GTPBP1: variants seen among roughly 807,000 people sequenced by gnomAD.
GTPBP1 encodes the protein GTP-binding protein 1.
Under a neutral mutation model 62.0 loss-of-function variants are expected in GTPBP1, and 23 were observed. The ratio of observed to expected loss-of-function variants is 0.37; its 90% CI spans 0.27 to 0.53. The LOEUF is 0.53. GTPBP1 is among the 20% of genes least tolerant of loss of function. GTPBP1 has a pLI of 0.89. For synonymous variants in GTPBP1, 344 were observed against 364.4 expected, an observed-to-expected ratio of 0.94 and a Z score of 0.64; for missense variants, 640 against 917.3, an observed-to-expected ratio of 0.70 and a Z score of 3.90.
intron 5 of GTPBP1, 122 bp downstream of exon 5, chr22:38,721,987 T>C (rs2092703092): frequency 1.9e-6 from 1 of 534,930 alleles, no homozygotes; most frequent in Non-Finnish European, 3.1e-6. Context: ...TTTTTATTTT[T>C]TTATTTTACA....
At chr22:38,715,136 C>A (rs1022948059) in intron 2 of GTPBP1, among the ~76,000 whole-genome samples, 3 of 152,220 alleles carry the variant, frequency 2.0e-5, no homozygotes, top group African/African-American at 7.2e-5. Context: ...GGACTCCCCC[C>A]TTACTGGTCT....
At chr22:38,707,513 C>T (rs1387957169) in intron 1 of GTPBP1, among the ~76,000 whole-genome samples, 1 of 152,158 alleles carries the variant, frequency 6.6e-6, no homozygotes, top group Non-Finnish European at 1.5e-5. Context: ...AGAGGGATGG[C>T]CAGGACGATG....
chr22:38,705,995 G>A lies in GTPBP1; in HGVS notation c.40G>A (p.Val14Ile), dbSNP rs1030603150. 10 of 1,458,282 alleles carry A rather than the reference G, an allele frequency of 6.9e-6. No individual in the cohort carries two copies. Among genetic ancestry groups the A allele is most frequent in the East Asian group, 2.9e-5 (1 of 33,926 alleles). 90.3% of individuals were successfully genotyped at this position (1,458,282 alleles called of 1,614,324 possible). A position where few individuals can be genotyped will look rare whatever the true frequency, so the allele number is the denominator to read the frequency against. The change falls in exon 1 of 12, where the codon GTC (valine) becomes ATC (isoleucine). Residue 14 changes from valine (V) to isoleucine (I), a missense_variant. By Grantham distance (29) the Val-to-Ile change is conservative. Coordinates refer to ENST00000216044, the MANE Select transcript of GTPBP1 (RefSeq NM_004286.5). ...ERSRSAMDSP[V>I]PASMFAPEPS... ...CAGTCGCTCCGCGATGGACTCGCCG[G>A]TCCCGGCCTCTATGTTCGCCCCCGA...
In GTPBP1 at chr22:38,706,035, G is replaced by T. The variant is rs2092601973; in HGVS notation, c.80G>T (p.Gly27Val). ...SMFAPEPSSP[G>V]AARAAAAAAR... ...TTCGCCCCCGAGCCCAGCTCCCCGG[G>T]GGCGGCCAGGGCCGCGGCGGCCGCC... The change falls in exon 1 of 12, where the codon GGG (glycine) becomes GTG (valine). Residue 27 changes from glycine to valine, a missense_variant. Around this residue, in one of 4 missense-constraint regions of GTPBP1, gnomAD observed 215 missense variants for 235.1 expected, o/e 0.91. Coordinates refer to ENST00000216044, the MANE Select transcript of GTPBP1 (RefSeq NM_004286.5). 7.2e-7 allele frequency: 1 copy of T among 1,385,384 alleles called. No homozygotes were observed. The highest frequency in any genetic ancestry group is 1.5e-5 in the South Asian group (1 of 66,838). 85.8% of individuals were successfully genotyped at this position (1,385,384 alleles called of 1,614,324 possible).
In GTPBP1 at chr22:38,726,085, C is replaced by T. The variant is rs750227225; in HGVS notation, c.1153C>T (p.Pro385Ser). ...GAAGATGTTCCTCAACCTCCTCTCC[C>T]CCCGCACCAGCTACAGGGAGGAGGA... Reference protein sequence around the residue: ...LLKMFLNLLSPRTSYREEEPA... With the variant: ...LLKMFLNLLSSRTSYREEEPA... Residue 385 changes from proline (P) to serine (S), a missense_variant, in exon 7 of 12, where the codon CCC becomes TCC. Coordinates refer to ENST00000216044, the MANE Select transcript of GTPBP1 (RefSeq NM_004286.5). This position sits in a 1 kb window ranked among gnomAD's most constrained non-coding sequence, Gnocchi z 4.1. The T allele has an allele frequency of 1.2e-5, 20 of 1,613,926 alleles. No individual in the cohort carries two copies. In the Admixed American group the frequency reaches 2.0e-4, roughly 16 times the overall value.
At chr22:38,738,795 C>A (rs920280715), downstream of GTPBP1, 2 of 1,604,352 alleles carry the variant, frequency 1.2e-6, no homozygotes, top group Admixed American at 3.4e-5. The surrounding 1 kb of genome is among the most constrained non-coding windows in gnomAD (Gnocchi z 6.6). Context: ...GGCCCTGAGT[C>A]CAGCTCTTGC....
intron 2 of GTPBP1, among the ~76,000 whole-genome samples, chr22:38,714,080 G>T (rs2092655147): frequency 6.6e-6 from 1 of 152,202 alleles, no homozygotes; most frequent in African/African-American, 2.4e-5. Context: ...GTCAGGTGAT[G>T]CGTGAGCAGG....
chr22:38,726,063 G>C lies in GTPBP1; in HGVS notation c.1131G>C (p.Lys377Asn). ...NVTGENLDLL[K>N]MFLNLLSPRT... is the part of the protein sequence containing the mutation. ...CAGGCGAGAACCTAGATCTGCTGAA[G>C]ATGTTCCTCAACCTCCTCTCCCCCC... is the stretch of plus-strand genomic sequence containing the variant. Residue 377 changes from lysine to asparagine, a missense_variant, in exon 7 of 12, where the codon AAG (lysine) becomes AAC (asparagine). This residue lies in a region of GTPBP1 where 220 missense variants were observed against 358.1 expected (regional missense o/e 0.61). Transcript: ENST00000216044. The surrounding 1 kb of genome is among the most constrained non-coding windows in gnomAD (Gnocchi z 4.1). 1 of 1,614,096 alleles carries C rather than the reference G, an allele frequency of 6.2e-7. No individual in the cohort carries two copies. Among genetic ancestry groups the C allele is most frequent in the Non-Finnish European group, 8.5e-7 (1 of 1,179,964 alleles).
At chr22:38,739,487 C>T (rs764748684), downstream of GTPBP1, 48 of 1,581,494 alleles carry the variant, frequency 3.0e-5, no homozygotes, top group Non-Finnish European at 3.9e-5. This position sits in a 1 kb window ranked among gnomAD's most constrained non-coding sequence, Gnocchi z 6.7. Flanking sequence ...CCTGTCACCT[C>T]GTGGCCGTGG....
chr22:38,739,131 T>C, downstream of GTPBP1: 1 of 963,366 alleles, frequency 1.0e-6, no homozygotes, highest in South Asian at 1.5e-5. This position sits in a 1 kb window ranked among gnomAD's most constrained non-coding sequence, Gnocchi z 6.7. Context: ...AGAGCAGCTT[T>C]AAAGGTCAGC....
At chr22:38,737,141 C>T (rs1479133353), downstream of GTPBP1, among the ~76,000 whole-genome samples, 1 of 152,226 alleles carries the variant, frequency 6.6e-6, no homozygotes, top group African/African-American at 2.4e-5. This position sits in a 1 kb window ranked among gnomAD's most constrained non-coding sequence, Gnocchi z 4.1. Context: ...GCCACCTCGT[C>T]TGGCCTCTAT....
chr22:38,740,431 T>C (rs764382637), downstream of GTPBP1: 2 of 1,508,830 alleles, frequency 1.3e-6, no homozygotes, highest in South Asian at 1.3e-5. This position sits in a 1 kb window ranked among gnomAD's most constrained non-coding sequence, Gnocchi z 4.8. Flanking sequence ...TCCTGGGTCA[T>C]GCTGGTCCCA....
Position 38,726,054 on chromosome 22 carries a change from T to A in GTPBP1, c.1122T>A (p.Asp374Glu). The change falls in exon 7 of 12, where the codon GAT (aspartate) becomes GAA (glutamate). Residue 374 changes from aspartate to glutamate, a missense_variant. This residue lies in a region of GTPBP1 where 220 missense variants were observed against 358.1 expected (regional missense o/e 0.61). Transcript: ENST00000216044. This position sits in a 1 kb window ranked among gnomAD's most constrained non-coding sequence, Gnocchi z 4.1. The stretch of plus-strand genomic sequence containing the variant: ...CCAACGTTACAGGCGAGAACCTAGA[T>A]CTGCTGAAGATGTTCCTCAACCTCC... ...QISNVTGENLDLLKMFLNLLS... is the reference protein window; with the variant it reads ...QISNVTGENLELLKMFLNLLS... 6.2e-7 allele frequency: 1 copy of A among 1,613,990 alleles called. No individual in the cohort carries two copies. Among genetic ancestry groups the A allele is most frequent in the Non-Finnish European group, 8.5e-7 (1 of 1,179,908 alleles).
At chr22:38,711,209 A>C (rs2092637276) in intron 2 of GTPBP1, among the ~76,000 whole-genome samples, 1 of 152,134 alleles carries the variant, frequency 6.6e-6, no homozygotes, top group Non-Finnish European at 1.5e-5. Flanking sequence ...TCCTCATCCT[A>C]CCTCAGAGAA....
intron 4 of GTPBP1, among the ~76,000 whole-genome samples, chr22:38,717,853 C>T (rs1045221053): frequency 1.3e-5 from 2 of 150,152 alleles, no homozygotes; most frequent in South Asian, 2.1e-4. Context: ...AGAGGGAGGG[C>T]GGGAAGGGAC....
At chr22:38,739,719 C>T (rs756055592), downstream of GTPBP1, 33 of 1,612,892 alleles carry the variant, frequency 2.0e-5, no homozygotes, top group Non-Finnish European at 8.5e-6. The surrounding 1 kb of genome is among the most constrained non-coding windows in gnomAD (Gnocchi z 6.7). Context: ...ATGTGGGCCT[C>T]ACCTCCTCTG....
At chr22:38,740,793 C>T (rs1225575338), downstream of GTPBP1, 27 of 604,840 alleles carry the variant, frequency 4.5e-5, no homozygotes, top group Non-Finnish European at 7.6e-5. The surrounding 1 kb of genome is among the most constrained non-coding windows in gnomAD (Gnocchi z 4.8). Context: ...ACACAGCCTG[C>T]CCCCCGCCCT....
intron 10 of GTPBP1, chr22:38,729,160 A>G (rs896843193): frequency 5.1e-5 from 13 of 257,008 alleles, no homozygotes; most frequent in Non-Finnish European, 8.8e-5. Context: ...AGGTTCACCA[A>G]TTTCTCTGCA....
chr22:38,718,755 C>G (rs1182339015), intron 4 of GTPBP1, among the ~76,000 whole-genome samples: 1 of 152,176 alleles, frequency 6.6e-6, no homozygotes, highest in African/African-American at 2.4e-5. Flanking sequence ...TAGTATGGTA[C>G]AAAATTGTGA....
Sources: gnomAD v4.1 joint callset for allele counts (sites outside exome capture counted in the v4.1 genomes callset) on GRCh38, gnomAD v4.1.1 for gene constraint, gnomAD v4.1.1 regional missense constraint, Gnocchi (gnomAD v3.1) non-coding constraint, MANE v1.5 for transcripts, NCBI Gene and HGNC (gene_info 2026-07-23, HGNC 2026-07-21) for gene names.